Variants in DCHS2 observed in about 807,000 individuals in gnomAD.
The protein encoded by DCHS2 is dachsous cadherin-related 2.
In DCHS2, 142 loss-of-function variants were observed where a neutral mutation model predicts 182.4. That is an observed-to-expected ratio of 0.78 (90% CI 0.68 to 0.89). DCHS2 has a LOEUF of 0.89. DCHS2 is among the 40% of genes least tolerant of loss of function. The probability of loss-of-function intolerance (pLI) is 0.00; values close to 1 mark genes in which losing one functional copy is unlikely to be tolerated. For synonymous variants in DCHS2, 1,740 were observed against 1,663.3 expected (o/e 1.05, Z -1.12); for missense variants, 4,319 against 4,198.6 (o/e 1.03, Z -0.79).
rs1730954957 is a variant in DCHS2 at position 154,377,363 on chromosome 4, G to A, written c.2134C>T (p.Pro712Ser). 3 of 1,613,322 alleles carry A rather than the reference G, an allele frequency of 1.9e-6. No homozygotes were observed. The highest frequency in any genetic ancestry group is 1.7e-5 in the Admixed American group (1 of 59,974). The change falls in exon 2 of 20, where the codon CCT (proline) becomes TCT (serine). Residue 712 changes from proline (P) to serine (S), a missense_variant. Coordinates refer to ENST00000357232, the MANE Select transcript of DCHS2 (RefSeq NM_001358235.2). The stretch of plus-strand genomic sequence containing the variant: ...TGAGGGTCGATCCGGAATGCCTGAG[G>A]TGCTTCATAGCTCAGGAATCCATCA... ...LYDGFLSYEAPQAFRIDPHDG... is the reference protein window; with the variant it reads ...LYDGFLSYEASQAFRIDPHDG...
At chr4:154,344,242 A>G (rs1248661325) in intron 3 of DCHS2, among the ~76,000 whole-genome samples, 1 of 152,222 alleles carries the variant, frequency 6.6e-6, no homozygotes, top group African/African-American at 2.4e-5. Context: ...TGTTATGAGA[A>G]TTATCAAAAT....
At chr4:154,288,612 G>A (rs1235277624) in intron 13 of DCHS2, among the ~76,000 whole-genome samples, 1 of 152,076 alleles carries the variant, frequency 6.6e-6, no homozygotes, top group African/African-American at 2.4e-5. Context: ...AATGGATGGA[G>A]AATACACATT....
intron 16 of DCHS2, among the ~76,000 whole-genome samples, chr4:154,251,458 T>A (rs1732355868): frequency 6.6e-6 from 1 of 152,196 alleles, no homozygotes; most frequent in African/African-American, 2.4e-5. Context: ...AGGAGTTCCA[T>A]AAATGGAAAC....
At chr4:154,367,816 C>T in intron 2 of DCHS2, among the ~76,000 whole-genome samples, 1 of 152,038 alleles carries the variant, frequency 6.6e-6, no homozygotes, top group East Asian at 1.9e-4. Context: ...AGAGGGAGAA[C>T]TGCTGCCATG....
chr4:154,451,786 A>G (rs1368986738), intron 1 of DCHS2, among the ~76,000 whole-genome samples: 3 of 152,212 alleles, frequency 2.0e-5, no homozygotes, highest in Non-Finnish European at 4.4e-5. Context: ...CTATACTGAT[A>G]AATGGGATGA....
At position 154,234,751 on chromosome 4, in the gene DCHS2, G is replaced by T; in HGVS notation, c.9901C>A (p.Leu3301Met). Residue 3301 changes from leucine to methionine, a missense_variant, in exon 20 of 20, where the codon CTG becomes ATG. By Grantham distance (15) the Leu-to-Met change is conservative. Transcript: ENST00000357232. Reference protein sequence around the residue: ...AVPPRMPAVNLGQVPPKHPRS... With the variant: ...AVPPRMPAVNMGQVPPKHPRS... ...GGGTGTTTCGGAGGCACCTGCCCCAGGTTTACTGCCGGCATTCTTGGTGGG... is the reference window on the plus strand; with the variant it reads ...GGGTGTTTCGGAGGCACCTGCCCCATGTTTACTGCCGGCATTCTTGGTGGG... The T allele has an allele frequency of 1.2e-6, 2 of 1,614,008 alleles. No homozygotes were observed. The highest frequency in any genetic ancestry group is 1.7e-6 in the Non-Finnish European group (2 of 1,179,934).
In DCHS2 at chr4:154,315,966, G is replaced by A; in HGVS notation, c.5042C>T (p.Pro1681Leu). Reference protein sequence around the residue: ...ESSGLLTTTCPLDYEMKTQHI... With the variant: ...ESSGLLTTTCLLDYEMKTQHI... ...CTGAGTTTTCATTTCATAATCCAAA[G>A]GACAGGTTGTGGTTAGTAAGCCTGT... is the stretch of plus-strand genomic sequence containing the variant. The change falls in exon 10 of 20, where the codon CCT becomes CTT. Residue 1681 changes from proline (P) to leucine (L), a missense_variant. Transcript: ENST00000357232. 2 of 1,613,952 alleles carry A rather than the reference G, an allele frequency of 1.2e-6. No homozygotes were observed. Among genetic ancestry groups the A allele is most frequent in the South Asian group, 1.1e-5 (1 of 91,072 alleles).
chr4:154,484,982 A>G (rs1417158428), intron 1 of DCHS2, among the ~76,000 whole-genome samples: 1 of 152,264 alleles, frequency 6.6e-6, no homozygotes, highest in Non-Finnish European at 1.5e-5. Context: ...AAAAATGTAC[A>G]TAACAGAGAA....
chr4:154,338,705 G>A (rs1456213197), intron 3 of DCHS2, among the ~76,000 whole-genome samples: 2 of 152,146 alleles, frequency 1.3e-5, no homozygotes, highest in Non-Finnish European at 2.9e-5. Flanking sequence ...AATGGACAGT[G>A]CACTCTATTG....
rs1276078975 is a variant in DCHS2, at chr4:154,490,446, C to A, written c.910G>T (p.Ala304Ser). 6 of 1,535,064 alleles carry A rather than the reference C, an allele frequency of 3.9e-6. No homozygotes were observed. The South Asian group carries it at 4.8e-5, about 12-fold the overall frequency. The change falls in exon 1 of 20, where the codon GCG (alanine) becomes TCG (serine). Residue 304 changes from alanine (A) to serine (S), a missense_variant. Transcript: ENST00000357232. ...CCCGGCTGGGCGTCCTCGCGCACCG[C>A]GGCGCGGTACTCGTCCTGCTCAAAG... is the stretch of plus-strand genomic sequence containing the variant. ...PVFEQDEYRA[A>S]VREDAQPGAE...
chr4:154,308,068 C>G (rs1455607252), intron 10 of DCHS2, among the ~76,000 whole-genome samples: 5 of 151,778 alleles, frequency 3.3e-5, no homozygotes, highest in Non-Finnish European at 7.4e-5. Flanking sequence ...AGGCTTTTAT[C>G]TCCTCCTCTT....
At chr4:154,438,264 A>G (rs566177403) in intron 1 of DCHS2, among the ~76,000 whole-genome samples, 3 of 152,184 alleles carry the variant, frequency 2.0e-5, no homozygotes, top group Non-Finnish European at 2.9e-5. Context: ...TTTGAGTGAT[A>G]ATAAAGAGCT....
intron 3 of DCHS2, 86 bp from the exon 4 acceptor site, chr4:154,335,190 AT>A: frequency 1.1e-6 from 1 of 887,804 alleles, no homozygotes; most frequent in Non-Finnish European, 1.9e-6. Context: ...TATTAAGTGT[AT>A]TGTGATGTTT....
At position 154,235,984 on chromosome 4, in the gene DCHS2, G is replaced by T; in HGVS notation, c.8668C>A (p.Pro2890Thr). 6.2e-7 allele frequency: 1 copy of T among 1,613,946 alleles called. No individual in the cohort carries two copies. Among genetic ancestry groups the T allele is most frequent in the Non-Finnish European group, 8.5e-7 (1 of 1,179,950 alleles). The stretch of plus-strand genomic sequence containing the variant: ...AACTGTCTGTCTTTATTCTTTTCTG[G>T]GAGGGTGAAAAAATACTGATCTTGA... ...FTQDQYFFTL[P>T]EKNKDRQLIG... Residue 2890 changes from proline (P) to threonine (T), a missense_variant, in exon 20 of 20, where the codon CCA becomes ACA. Pro to Thr is a conservative substitution (Grantham distance 38). Coordinates refer to ENST00000357232, the MANE Select transcript of DCHS2 (RefSeq NM_001358235.2).
intron 1 of DCHS2, among the ~76,000 whole-genome samples, chr4:154,382,043 G>T (rs1731193378): frequency 6.6e-6 from 1 of 151,992 alleles, no homozygotes; most frequent in Non-Finnish European, 1.5e-5. Flanking sequence ...TATACTATAG[G>T]GCTACAGTAA....
At chr4:154,473,934 G>A (rs147820447) in intron 1 of DCHS2, among the ~76,000 whole-genome samples, 1 of 152,312 alleles carries the variant, frequency 6.6e-6, no homozygotes, top group East Asian at 1.9e-4. Context: ...TAACTGGCTT[G>A]AGACAACAGA....
rs893192906 is a variant in DCHS2 at position 154,491,369 on chromosome 4, C to T, written c.-14G>A. 15 of 1,497,366 alleles carry T rather than the reference C, an allele frequency of 1.0e-5. No individual in the cohort carries two copies. In the African/African-American group the frequency reaches 2.0e-4, roughly 20 times the overall value. 92.8% of individuals were successfully genotyped at this position (1,497,366 alleles called of 1,614,324 possible). A position where few individuals can be genotyped will look rare whatever the true frequency, so the allele number is the denominator to read the frequency against. On this transcript the variant is annotated 5_prime_UTR_variant, in exon 1 of 20. Coordinates refer to ENST00000357232, the MANE Select transcript of DCHS2 (RefSeq NM_001358235.2). The stretch of plus-strand genomic sequence containing the variant: ...ACAAGGGCTCATTTCTCCTCCAGCT[C>T]CTTGGGAAGGCTCTCGGGTAACTGC...
intron 1 of DCHS2, among the ~76,000 whole-genome samples, chr4:154,467,170 G>C (rs1051579416): frequency 1.3e-5 from 2 of 152,088 alleles, no homozygotes; most frequent in Admixed American, 6.6e-5. Context: ...TGTGTGCAAG[G>C]CTATAAAATC....
intron 7 of DCHS2, among the ~76,000 whole-genome samples, chr4:154,327,862 G>A (rs1736346500): frequency 6.6e-6 from 1 of 152,106 alleles, no homozygotes. Flanking sequence ...TTTCTATTAA[G>A]AACGTAAAAA....
Sources: allele counts gnomAD v4.1 joint callset (sites outside exome capture counted in the v4.1 genomes callset), GRCh38; gene constraint gnomAD v4.1.1; transcripts MANE v1.5; gene names NCBI Gene and HGNC (gene_info 2026-07-23, HGNC 2026-07-21).